The following BNC2 variants were observed in gnomAD, a reference collection of about 807,000 sequenced individuals.
The protein encoded by BNC2 is basonuclin zinc finger protein 2, also known as zinc finger protein basonuclin-2.
BNC2 carries 20 observed loss-of-function variants against 76.3 expected under a neutral mutation model. That is an observed-to-expected ratio of 0.26 (90% CI 0.18 to 0.38). The LOEUF (loss-of-function observed/expected upper bound fraction) is 0.38. Among genes scored for constraint, BNC2 ranks in the 10% least tolerant of loss-of-function variants. The pLI, the probability that BNC2 is intolerant of heterozygous loss-of-function variation, is 1.00. For missense variants in BNC2, 1,382 were observed against 1,399.8 expected (o/e 0.99, Z 0.20); for synonymous variants, 582 against 514.8 (o/e 1.13, Z -1.77).
chr9:16,664,400 T>G (rs1587289309), intron 3 of BNC2, among the ~76,000 whole-genome samples: 1 of 152,146 alleles, frequency 6.6e-6, no homozygotes, highest in Non-Finnish European at 1.5e-5. Flanking sequence ...TCCAGAACTT[T>G]CCTATCCAGA....
chr9:16,866,663 TA>T (rs55953726), intron 1 of BNC2, among the ~76,000 whole-genome samples: 4,445 of 96,810 alleles, frequency 0.046, 217 homozygotes, highest in African/African-American at 0.17. Flanking sequence ...CTGTCACTTT[TA>T]AAAAAAAAAA....
chr9:16,498,206 C>CAT (rs1190362360), intron 5 of BNC2, among the ~76,000 whole-genome samples: 3 of 117,614 alleles, frequency 2.6e-5, no homozygotes, highest in African/African-American at 1.0e-4. Context: ...TATATTCCAT[C>CAT]ATATATATAT....
intron 3 of BNC2, among the ~76,000 whole-genome samples, chr9:16,659,366 T>C (rs926983747): frequency 3.9e-5 from 6 of 152,118 alleles, no homozygotes; most frequent in South Asian, 2.1e-4. Flanking sequence ...TCACAGCACT[T>C]TGGGGGGCCG....
At chr9:16,737,548 C>CT (rs34933639) in intron 2 of BNC2, among the ~76,000 whole-genome samples, 85,262 of 146,128 alleles carry the variant, frequency 0.58, 29,759 homozygotes, top group Non-Finnish European at 0.8. Flanking sequence ...CCGTGCCTGG[C>CT]TTTTTTTTTT....
chr9:16,532,103 C>A (rs1817994928), intron 5 of BNC2, among the ~76,000 whole-genome samples: 1 of 151,378 alleles, frequency 6.6e-6, no homozygotes, highest in African/African-American at 2.4e-5. Flanking sequence ...TCAATATATC[C>A]TGTTGAGTAA....
At chr9:16,440,386 T>A (rs1821102164) in intron 5 of BNC2, among the ~76,000 whole-genome samples, 2 of 152,170 alleles carry the variant, frequency 1.3e-5, no homozygotes, top group Non-Finnish European at 2.9e-5. Flanking sequence ...AATGTCCTCT[T>A]CTATACCATC....
intron 5 of BNC2, among the ~76,000 whole-genome samples, chr9:16,450,804 G>A (rs1277649545): frequency 3.3e-5 from 5 of 152,176 alleles, no homozygotes; most frequent in Non-Finnish European, 4.4e-5. Flanking sequence ...ACAACCCCTC[G>A]GGTTCTGATC....
At chr9:16,774,045 A>C (rs1825898822) in intron 1 of BNC2, among the ~76,000 whole-genome samples, 1 of 152,108 alleles carries the variant, frequency 6.6e-6, no homozygotes, top group Admixed American at 6.6e-5. Flanking sequence ...ACAGCGTCAC[A>C]ATCTCAGATC....
At chr9:16,448,598 C>A (rs777299784) in intron 5 of BNC2, among the ~76,000 whole-genome samples, 1 of 151,928 alleles carries the variant, frequency 6.6e-6, no homozygotes, top group African/African-American at 2.4e-5. Flanking sequence ...GGGAGCAGGG[C>A]GAGAAAGGGA....
intron 5 of BNC2, among the ~76,000 whole-genome samples, chr9:16,458,838 T>A (rs1821511558): frequency 6.6e-6 from 1 of 152,212 alleles, no homozygotes; most frequent in Admixed American, 6.5e-5. Context: ...AATTACTCCA[T>A]CACTCAGTGC....
intron 5 of BNC2, among the ~76,000 whole-genome samples, chr9:16,511,105 C>CTT (rs34511398): frequency 0.01 from 1,269 of 125,198 alleles, 15 homozygotes; most frequent in South Asian, 0.026. Context: ...ACTAAACTTA[C>CTT]TTTTTTTTTT....
chr9:16,512,297 A>C (rs1385637623), intron 5 of BNC2, among the ~76,000 whole-genome samples: 1 of 152,202 alleles, frequency 6.6e-6, no homozygotes, highest in Non-Finnish European at 1.5e-5. Context: ...GTGGTAAATA[A>C]AATTCTGAGC....
rs1052462798 is a variant in BNC2 at position 16,463,626 on chromosome 9, G to A, written c.670-26102C>T. Among the ~76,000 whole-genome samples the A allele has an allele frequency of 5.3e-5, 8 of 152,156 alleles. No homozygotes were observed. The South Asian group carries it at 1.5e-3, about 28-fold the overall frequency. On this transcript the variant is annotated intron_variant, in intron 5 of 6. Transcript: ENST00000380672. The stretch of plus-strand genomic sequence containing the variant: ...CTTGACTAATCTATCCAAATGAAGG[G>A]TATACTTGATGCTATCTCACCGCAC...
At chr9:16,468,399 T>A (rs1021565159) in intron 5 of BNC2, among the ~76,000 whole-genome samples, 1 of 151,964 alleles carries the variant, frequency 6.6e-6, no homozygotes, top group African/African-American at 2.4e-5. Context: ...TATTTTTTTT[T>A]ATTTTTTATT....
intron 1 of BNC2, among the ~76,000 whole-genome samples, chr9:16,778,750 A>C (rs769092912): frequency 2.0e-5 from 3 of 152,182 alleles, no homozygotes; most frequent in Admixed American, 6.5e-5. Flanking sequence ...AAAGTGGTAT[A>C]AGCTGAAATC....
chr9:16,555,576 C>A (rs1432720627), intron 4 of BNC2, among the ~76,000 whole-genome samples: 1 of 151,608 alleles, frequency 6.6e-6, no homozygotes, highest in African/African-American at 2.4e-5. Flanking sequence ...CGGCAGATTG[C>A]CTAAGCCAAG....
At chr9:16,712,705 CA>C (rs1015846049) in intron 3 of BNC2, among the ~76,000 whole-genome samples, 6 of 152,168 alleles carry the variant, frequency 3.9e-5, no homozygotes, top group Non-Finnish European at 5.9e-5. Flanking sequence ...ACACTTGAGA[CA>C]GCTTGTAAAT....
intron 1 of BNC2, among the ~76,000 whole-genome samples, chr9:16,845,555 A>G (rs764987603): frequency 3.3e-5 from 5 of 151,774 alleles, no homozygotes; most frequent in Non-Finnish European, 5.9e-5. Context: ...CCCCATCTCT[A>G]CTAAAAATAC....
intron 3 of BNC2, among the ~76,000 whole-genome samples, chr9:16,680,171 C>T (rs943411403): frequency 2.6e-5 from 4 of 152,016 alleles, no homozygotes; most frequent in South Asian, 2.1e-4. Flanking sequence ...AATGGTTTTC[C>T]GCCATTTACT....
Sources: allele counts gnomAD v4.1 joint callset (sites outside exome capture counted in the v4.1 genomes callset), GRCh38; gene constraint gnomAD v4.1.1; transcripts MANE v1.5; gene names NCBI Gene and HGNC (gene_info 2026-07-23, HGNC 2026-07-21).